The following SLC38A4 variants were observed in gnomAD, a reference collection of about 807,000 sequenced individuals.
SLC38A4 encodes the protein solute carrier family 38 member 4.
A neutral mutation model predicts 63.1 loss-of-function variants in SLC38A4; 20 were observed. The ratio of observed to expected loss-of-function variants is 0.32; its 90% CI spans 0.22 to 0.46. The LOEUF (loss-of-function observed/expected upper bound fraction) is 0.46, where lower values mean the gene tolerates loss of function less well. Among genes scored for constraint, SLC38A4 ranks in the 20% least tolerant of loss-of-function variants. SLC38A4 has a pLI of 1.00. For synonymous variants in SLC38A4, 230 were observed against 225.5 expected, an observed-to-expected ratio of 1.02 and a Z score of -0.18; for missense variants, 526 against 663.6, an observed-to-expected ratio of 0.79 and a Z score of 2.28.
At chr12:46,774,959 A>G in intron 14 of SLC38A4, 90 bp downstream of exon 14, 1 of 1,437,050 alleles carries the variant, frequency 7.0e-7, no homozygotes, top group Non-Finnish European at 9.4e-7. Context: ...TTGCAAACTC[A>G]CCCTATAATT....
chr12:46,803,002 T>C lies in SLC38A4; in HGVS notation c.-113+601A>G, dbSNP rs559606006. On this transcript the variant is annotated intron_variant, in intron 2 of 16. Coordinates refer to ENST00000266579, the MANE Select transcript of SLC38A4 (RefSeq NM_018018.5). ...CAATTCCCTAGTTTCTTTTAGTAACTTTGTTCTAAAAATACTCCTTAACTA... is the reference window on the plus strand; with the variant it reads ...CAATTCCCTAGTTTCTTTTAGTAACCTTGTTCTAAAAATACTCCTTAACTA... Among the ~76,000 whole-genome samples the C allele has an allele frequency of 2.6e-5, 4 of 152,164 alleles. No individual in the cohort carries two copies. The East Asian group carries it at 7.7e-4, about 29-fold the overall frequency.
At chr12:46,774,065 A>G (rs1938475470) in intron 14 of SLC38A4, among the ~76,000 whole-genome samples, 1 of 152,090 alleles carries the variant, frequency 6.6e-6, no homozygotes, top group Non-Finnish European at 1.5e-5. Context: ...CATCTGAAAT[A>G]CTTTCAGATA....
At chr12:46,820,741 A>G (rs375717176) in intron 1 of SLC38A4, among the ~76,000 whole-genome samples, 69 of 152,094 alleles carry the variant, frequency 4.5e-4, no homozygotes, top group African/African-American at 1.4e-3. Flanking sequence ...TTCATTTTTT[A>G]GGAACCTCCA....
chr12:46,793,850 A>G (rs1015458495), intron 2 of SLC38A4, among the ~76,000 whole-genome samples: 6 of 152,260 alleles, frequency 3.9e-5, no homozygotes, highest in Non-Finnish European at 7.4e-5. Flanking sequence ...AGAGATCTAG[A>G]TTTTAGCCTC....
At chr12:46,797,549 C>G (rs948715872) in intron 2 of SLC38A4, among the ~76,000 whole-genome samples, 2 of 152,130 alleles carry the variant, frequency 1.3e-5, no homozygotes, top group Non-Finnish European at 2.9e-5. Context: ...TCCTGGTTCT[C>G]CAGCTTGCAG....
At chr12:46,774,275 G>A (rs769728067) in intron 14 of SLC38A4, among the ~76,000 whole-genome samples, 4 of 152,064 alleles carry the variant, frequency 2.6e-5, no homozygotes, top group South Asian at 4.1e-4. Flanking sequence ...GACAGTGCTG[G>A]TTACTGTGTC....
chr12:46,826,875 G>T (rs1453914327), upstream of SLC38A4, among the ~76,000 whole-genome samples: 1 of 152,072 alleles, frequency 6.6e-6, no homozygotes, highest in South Asian at 2.1e-4. Flanking sequence ...TTTTGCAAAG[G>T]CCTTTAGTAG....
chr12:46,768,699 T>C (rs1938348386), intron 15 of SLC38A4, among the ~76,000 whole-genome samples: 2 of 152,016 alleles, frequency 1.3e-5, no homozygotes, highest in African/African-American at 4.8e-5. Context: ...TATAAATACA[T>C]ACTAAGGTGG....
chr12:46,824,757 C>T (rs1186072008), intron 1 of SLC38A4, among the ~76,000 whole-genome samples: 1 of 152,104 alleles, frequency 6.6e-6, no homozygotes, highest in East Asian at 1.9e-4. Flanking sequence ...TAGCGAGGAG[C>T]AGGTGGAGAT....
chr12:46,815,282 T>TAC (rs1210770359), intron 1 of SLC38A4, among the ~76,000 whole-genome samples: 24 of 90,118 alleles, frequency 2.7e-4, no homozygotes, highest in South Asian at 5.0e-4. Flanking sequence ...TATATATATA[T>TAC]ATACACACAC....
intron 14 of SLC38A4, among the ~76,000 whole-genome samples, chr12:46,770,350 T>A (rs181675419): frequency 1.3e-3 from 191 of 152,162 alleles, no homozygotes; most frequent in Non-Finnish European, 1.0e-3. Flanking sequence ...TGCTCCTTCC[T>A]CTTTCTCTCC....
intron 2 of SLC38A4, among the ~76,000 whole-genome samples, chr12:46,794,209 G>A (rs1390790614): frequency 6.6e-6 from 1 of 152,044 alleles, no homozygotes; most frequent in African/African-American, 2.4e-5. Context: ...ACTACCACAT[G>A]GGAATACCTC....
intron 2 of SLC38A4, among the ~76,000 whole-genome samples, chr12:46,793,620 A>C (rs1430141943): frequency 1.3e-5 from 2 of 152,178 alleles, no homozygotes; most frequent in Non-Finnish European, 2.9e-5. Flanking sequence ...AATAACTAGA[A>C]AGAAAATTAC....
chr12:46,766,987 A>G (rs1228003277), intron 16 of SLC38A4, among the ~76,000 whole-genome samples, 185 bp from the exon 17 acceptor site: 1 of 152,098 alleles, frequency 6.6e-6, no homozygotes, highest in Non-Finnish European at 1.5e-5. Flanking sequence ...AGAGGAATAC[A>G]GTGGAGAGAT....
intron 3 of SLC38A4, among the ~76,000 whole-genome samples, chr12:46,790,000 C>A (rs1156812423): frequency 2.0e-5 from 3 of 152,148 alleles, no homozygotes; most frequent in African/African-American, 7.2e-5. Flanking sequence ...ATCGCTTGAA[C>A]CTGGGAGGCA....
chr12:46,826,030 C>T (rs1410028921), upstream of SLC38A4: 1 of 152,314 alleles, frequency 6.6e-6, no homozygotes, highest in African/African-American at 2.4e-5. Flanking sequence ...CTGGAGAGCC[C>T]CCAGCCACGC....
At chr12:46,774,649 C>G (rs560972753) in intron 14 of SLC38A4, among the ~76,000 whole-genome samples, 3 of 151,928 alleles carry the variant, frequency 2.0e-5, no homozygotes, top group Middle Eastern at 6.8e-3. Flanking sequence ...TGCAGCACAA[C>G]AAACTGGAAA....
chr12:46,780,055 A>T, intron 7 of SLC38A4, 25 bp from the exon 8 acceptor site: 1 of 1,557,992 alleles, frequency 6.4e-7, no homozygotes, highest in Non-Finnish European at 8.8e-7. Context: ...GTGACAGCTT[A>T]ATGGTGTGGA....
chr12:46,811,930 C>T (rs996613589), intron 1 of SLC38A4, among the ~76,000 whole-genome samples: 1 of 151,836 alleles, frequency 6.6e-6, no homozygotes, highest in African/African-American at 2.4e-5. Flanking sequence ...CTATAGAAAT[C>T]CTGACTCTTC....
Sources: gnomAD v4.1 joint callset for allele counts (sites outside exome capture counted in the v4.1 genomes callset) on GRCh38, gnomAD v4.1.1 for gene constraint, MANE v1.5 for transcripts, NCBI Gene and HGNC (gene_info 2026-07-23, HGNC 2026-07-21) for gene names.